The following TANGO6 variants were observed in gnomAD, a reference collection of about 807,000 sequenced individuals.
The protein encoded by TANGO6 is transport and Golgi organization protein 6 homolog.
A neutral mutation model predicts 114.2 loss-of-function variants in TANGO6; 90 were observed. The observed-to-expected ratio is 0.79, with a 90% confidence interval of 0.66 to 0.94. The LOEUF (loss-of-function observed/expected upper bound fraction) is 0.94. TANGO6 is among the 40% of genes least tolerant of loss of function. The pLI is 0.00. For synonymous variants in TANGO6, 477 were observed against 509.8 expected, an observed-to-expected ratio of 0.94 and a Z score of 0.87; for missense variants, 1,274 against 1,315.3, an observed-to-expected ratio of 0.97 and a Z score of 0.49.
In TANGO6 at chr16:69,084,228, T is replaced by G. The variant is rs1462162892; in HGVS notation, c.*567T>G. On this transcript the variant is annotated 3_prime_UTR_variant, in exon 18 of 18. Transcript: ENST00000261778. ...CTTGGATGGAAAGAACAGGGCTAAA[T>G]CTGGTCCTCTGGTGTCGAGATGGAA... 5.2e-5 allele frequency: 8 copies of G among 152,418 alleles called. No individual in the cohort carries two copies. The highest frequency in any genetic ancestry group is 5.2e-4 in the Admixed American group (8 of 15,284). The allele number at this position is 152,418 out of a possible 1,614,324, so 9.4% of individuals were successfully genotyped here. A position where few individuals can be genotyped will look rare whatever the true frequency, so the allele number is the denominator to read the frequency against.
chr16:69,076,486 G>C (rs1256246195), intron 17 of TANGO6, among the ~76,000 whole-genome samples: 1 of 152,180 alleles, frequency 6.6e-6, no homozygotes, highest in Non-Finnish European at 1.5e-5. Context: ...GGGTTGCCCT[G>C]CTGTGCCATT....
At chr16:68,865,639 A>G (rs2152160685) in intron 3 of TANGO6, among the ~76,000 whole-genome samples, 1 of 152,106 alleles carries the variant, frequency 6.6e-6, no homozygotes, top group Admixed American at 6.5e-5. Flanking sequence ...AATACAAAAG[A>G]AATCCGGCCG....
At chr16:68,872,169 C>T (rs993324237) in intron 4 of TANGO6, among the ~76,000 whole-genome samples, 2 of 151,106 alleles carry the variant, frequency 1.3e-5, no homozygotes, top group Non-Finnish European at 2.9e-5. Flanking sequence ...TTCAGTGAGC[C>T]GAGATCTCGC....
intron 17 of TANGO6, among the ~76,000 whole-genome samples, chr16:69,079,682 T>A (rs1272015386): frequency 1.3e-5 from 2 of 152,190 alleles, no homozygotes; most frequent in Non-Finnish European, 1.5e-5. Flanking sequence ...TGCAAATTCA[T>A]AACAGCAAAA....
chr16:69,061,998 C>T (rs1490719117), intron 17 of TANGO6, among the ~76,000 whole-genome samples: 1 of 151,858 alleles, frequency 6.6e-6, no homozygotes, highest in Non-Finnish European at 1.5e-5. Context: ...CCAGCCTTGG[C>T]GACAGAGCGA....
At chr16:69,039,293 A>C (rs1337504725) in intron 16 of TANGO6, among the ~76,000 whole-genome samples, 1 of 150,254 alleles carries the variant, frequency 6.7e-6, no homozygotes, top group Admixed American at 6.7e-5. Context: ...GCACCACTGC[A>C]CTCCAGCCTG....
chr16:68,882,250 A>G (rs1213562467), intron 7 of TANGO6, among the ~76,000 whole-genome samples: 2 of 152,122 alleles, frequency 1.3e-5, no homozygotes, highest in African/African-American at 2.4e-5. Context: ...TAATCCCAGC[A>G]CTATGGGAGG....
chr16:69,079,575 TA>T (rs11356267), intron 17 of TANGO6, among the ~76,000 whole-genome samples: 23,015 of 150,856 alleles, frequency 0.15, 1,807 homozygotes, highest in South Asian at 0.2. Context: ...ATAATGGACT[TA>T]AAAAAAAATG....
At chr16:68,865,357 T>C (rs1318644849) in intron 3 of TANGO6, among the ~76,000 whole-genome samples, 1 of 151,446 alleles carries the variant, frequency 6.6e-6, no homozygotes, top group Non-Finnish European at 1.5e-5. Flanking sequence ...ACATTCAAAC[T>C]GCAGCACCTT....
At chr16:68,864,400 C>T (rs960247470) in intron 3 of TANGO6, among the ~76,000 whole-genome samples, 2 of 151,790 alleles carry the variant, frequency 1.3e-5, no homozygotes, top group African/African-American at 2.4e-5. Context: ...ATAGCAAGAC[C>T]CCTGTCCCTA....
At chr16:68,895,799 G>A (rs1323119773) in intron 7 of TANGO6, among the ~76,000 whole-genome samples, 9 of 152,010 alleles carry the variant, frequency 5.9e-5, no homozygotes, top group Non-Finnish European at 1.3e-4. Flanking sequence ...TGTGCTTAAG[G>A]CAGATAAAAG....
chr16:68,885,044 G>A (rs1458670617), intron 7 of TANGO6, among the ~76,000 whole-genome samples: 1 of 152,176 alleles, frequency 6.6e-6, no homozygotes, highest in Non-Finnish European at 1.5e-5. Context: ...GAGGAAAATG[G>A]TAAACACTGG....
At chr16:68,855,608 G>A (rs1239802808) in intron 1 of TANGO6, among the ~76,000 whole-genome samples, 1 of 151,870 alleles carries the variant, frequency 6.6e-6, no homozygotes, top group Non-Finnish European at 1.5e-5. Flanking sequence ...ATTTCAGCCG[G>A]GCGTGGTGGT....
intron 13 of TANGO6, 101 bp downstream of exon 13, chr16:68,928,184 A>C (rs1314719939): frequency 1.5e-6 from 2 of 1,359,328 alleles, no homozygotes; most frequent in Non-Finnish European, 9.7e-7. Flanking sequence ...GCTGTTCTGG[A>C]CCACCCTCCA....
chr16:68,907,137 T>G (rs1962862783), intron 9 of TANGO6, among the ~76,000 whole-genome samples: 1 of 139,298 alleles, frequency 7.2e-6, no homozygotes, highest in Admixed American at 7.9e-5. Context: ...TTAGTAGAGA[T>G]AGGGCTTCAT....
intron 5 of TANGO6, among the ~76,000 whole-genome samples, chr16:68,876,993 A>T (rs925140025): frequency 5.9e-5 from 9 of 152,212 alleles, no homozygotes; most frequent in Non-Finnish European, 1.3e-4. Context: ...TACAGTTAAT[A>T]TCCATAAGTC....
chr16:68,947,184 G>A (rs758719942), intron 14 of TANGO6, among the ~76,000 whole-genome samples: 13 of 152,098 alleles, frequency 8.5e-5, no homozygotes, highest in Middle Eastern at 3.2e-3. Flanking sequence ...AAGGCTGGGC[G>A]CAGTGGCTCA....
intron 15 of TANGO6, among the ~76,000 whole-genome samples, chr16:68,995,012 C>A (rs1178553976): frequency 6.6e-6 from 1 of 152,194 alleles, no homozygotes; most frequent in African/African-American, 2.4e-5. Context: ...CTCTCTGTCT[C>A]TTTAAAACAT....
rs527469634 is a variant in TANGO6 at position 69,039,868 on chromosome 16, G to T, written c.2995-440G>T. On this transcript the variant is annotated intron_variant, in intron 16 of 17. Transcript: ENST00000261778. The stretch of plus-strand genomic sequence containing the variant: ...AATGGTACATTCACATTCATGCCAG[G>T]CTGTGAACTCTGAAGTCTCCTTAGC... Among the ~76,000 whole-genome samples the T allele has an allele frequency of 2.0e-5, 3 of 152,108 alleles. 1 individual carries two copies. Among genetic ancestry groups the T allele is most frequent in the Admixed American group, 2.0e-4 (3 of 15,262 alleles).
Sources: gnomAD v4.1 joint callset for allele counts (sites outside exome capture counted in the v4.1 genomes callset) on GRCh38, gnomAD v4.1.1 for gene constraint, MANE v1.5 for transcripts, NCBI Gene and HGNC (gene_info 2026-07-23, HGNC 2026-07-21) for gene names.